SPECC1L: variants seen among roughly 807,000 people sequenced by gnomAD.
SPECC1L encodes the protein sperm antigen with calponin homology and coiled-coil domains 1 like.
Under a neutral mutation model 116.8 loss-of-function variants are expected in SPECC1L, and 40 were observed. The observed-to-expected ratio is 0.34, with a 90% CI of 0.27 to 0.45. The LOEUF (loss-of-function observed/expected upper bound fraction) is 0.45, where lower values mean the gene tolerates loss of function less well. Ranked by LOEUF, SPECC1L falls within the 20% of genes least tolerant of loss-of-function variation. The probability of loss-of-function intolerance (pLI) is 1.00; values close to 1 mark genes in which losing one functional copy is unlikely to be tolerated. For missense variants in SPECC1L, 1,110 were observed against 1,373.6 expected, an observed-to-expected ratio of 0.81 and a Z score of 3.03; for synonymous variants, 504 against 500.6, an observed-to-expected ratio of 1.01 and a Z score of -0.09.
chr22:24,334,850 A>G (rs1490235071), intron 9 of SPECC1L, among the ~76,000 whole-genome samples: 1 of 152,196 alleles, frequency 6.6e-6, no homozygotes, highest in Non-Finnish European at 1.5e-5. Flanking sequence ...TACTTTAAGT[A>G]TGTTTTCTAT....
At chr22:24,317,412 C>T (rs1160477750) in intron 4 of SPECC1L, among the ~76,000 whole-genome samples, 3 of 116,138 alleles carry the variant, frequency 2.6e-5, no homozygotes, top group Non-Finnish European at 5.7e-5. Flanking sequence ...CCTCACCTCC[C>T]AGATGGGGCG....
Position 24,322,811 on chromosome 22 carries a change from A to G in SPECC1L, c.1831A>G (p.Ser611Gly). The G allele has an allele frequency of 2.5e-6, 4 of 1,604,040 alleles. No individual in the cohort carries two copies. The highest frequency in any genetic ancestry group is 3.4e-6 in the Non-Finnish European group (4 of 1,175,538). Residue 611 changes from serine to glycine, a missense_variant, in exon 5 of 17, where the codon AGT becomes GGT. Transcript: ENST00000314328. ...ATCTGATATTCAGGACCTCCTGGAG[A>G]GTGTCAGGCTGGACAAAGAAAAAGC... is the stretch of plus-strand genomic sequence containing the variant. ...DKSDIQDLLE[S>G]VRLDKEKAET...
At chr22:24,356,513 A>G (rs1220935371) in intron 11 of SPECC1L, among the ~76,000 whole-genome samples, 1 of 152,044 alleles carries the variant, frequency 6.6e-6, no homozygotes, top group Non-Finnish European at 1.5e-5. Context: ...TAGTGCTTGC[A>G]TGGTATATTT....
At chr22:24,347,243 A>T (rs1028562961) in intron 11 of SPECC1L, 67 bp downstream of exon 11, 2 of 1,219,850 alleles carry the variant, frequency 1.6e-6, no homozygotes, top group Non-Finnish European at 2.4e-6. Flanking sequence ...CTTTTTTGGC[A>T]AACTAAATAT....
intron 11 of SPECC1L, among the ~76,000 whole-genome samples, chr22:24,362,456 G>A (rs544564008): frequency 9.9e-5 from 15 of 152,150 alleles, no homozygotes; most frequent in African/African-American, 1.9e-4. Flanking sequence ...GGAGATGGTC[G>A]AAGCAATATC....
chr22:24,325,581 A>ATTAATT (rs1569421899), intron 6 of SPECC1L, among the ~76,000 whole-genome samples: 17 of 144,020 alleles, frequency 1.2e-4, no homozygotes, highest in African/African-American at 4.2e-4. Flanking sequence ...ATTTATTTAT[A>ATTAATT]AGAGGTGACA....
chr22:24,414,449 A>C, intron 16 of SPECC1L, 85 bp from the exon 17 acceptor site: 1 of 1,106,594 alleles, frequency 9.0e-7, no homozygotes, highest in Non-Finnish European at 1.4e-6. Context: ...TCCAACTCCA[A>C]GAGCCCATGT....
intron 14 of SPECC1L, among the ~76,000 whole-genome samples, chr22:24,392,492 T>A (rs973494542): frequency 5.9e-5 from 9 of 152,334 alleles, no homozygotes; most frequent in Admixed American, 4.6e-4. Context: ...TGCTCTGGAT[T>A]TTCACAAATG....
intron 14 of SPECC1L, among the ~76,000 whole-genome samples, chr22:24,375,930 A>G (rs1394045179): frequency 2.0e-5 from 3 of 152,244 alleles, no homozygotes; most frequent in South Asian, 4.2e-4. Flanking sequence ...AGCCTGGGTG[A>G]CAGAGTGAGA....
At chr22:24,383,945 G>A (rs1277010240) in intron 14 of SPECC1L, among the ~76,000 whole-genome samples, 1 of 151,608 alleles carries the variant, frequency 6.6e-6, no homozygotes, top group South Asian at 2.1e-4. Flanking sequence ...GAGCCACCGT[G>A]CCTGGCCCAA....
At chr22:24,273,087 G>A (rs2048761674) in intron 1 of SPECC1L, among the ~76,000 whole-genome samples, 1 of 152,220 alleles carries the variant, frequency 6.6e-6, no homozygotes, top group Non-Finnish European at 1.5e-5. Context: ...TTAAAGTGAA[G>A]TTTGTATCAA....
intron 11 of SPECC1L, among the ~76,000 whole-genome samples, chr22:24,349,490 A>G (rs1490027300): frequency 1.3e-5 from 2 of 152,172 alleles, no homozygotes; most frequent in Non-Finnish European, 2.9e-5. Flanking sequence ...TCAGATTTGC[A>G]TCTCTCGCCT....
At chr22:24,367,947 A>G (rs2041803563) in intron 13 of SPECC1L, among the ~76,000 whole-genome samples, 1 of 152,168 alleles carries the variant, frequency 6.6e-6, no homozygotes, top group East Asian at 1.9e-4. Context: ...GTTACATTAC[A>G]CAGCACTCCC....
At chr22:24,406,174 A>G (rs755702197) in intron 14 of SPECC1L, among the ~76,000 whole-genome samples, 10 of 152,194 alleles carry the variant, frequency 6.6e-5, no homozygotes, top group Non-Finnish European at 1.2e-4. Context: ...TTAGAAAGCA[A>G]CAGAAAGTTT....
intron 3 of SPECC1L, among the ~76,000 whole-genome samples, chr22:24,309,136 G>T (rs960817030): frequency 6.6e-6 from 1 of 150,906 alleles, no homozygotes; most frequent in African/African-American, 2.4e-5. Context: ...TTGCTTTTGG[G>T]ACACACACAC....
intron 11 of SPECC1L, among the ~76,000 whole-genome samples, chr22:24,347,868 G>T (rs2041333892): frequency 6.6e-6 from 1 of 152,086 alleles, no homozygotes; most frequent in East Asian, 1.9e-4. Flanking sequence ...TAGAGACAGG[G>T]TTTCACCATG....
chr22:24,291,518 G>A (rs1330418591), intron 2 of SPECC1L, among the ~76,000 whole-genome samples: 1 of 152,130 alleles, frequency 6.6e-6, no homozygotes, highest in Non-Finnish European at 1.5e-5. Context: ...TAAGTAGTAG[G>A]TAAAAACAAT....
At chr22:24,293,343 C>T (rs1479376677) in intron 2 of SPECC1L, among the ~76,000 whole-genome samples, 2 of 152,178 alleles carry the variant, frequency 1.3e-5, no homozygotes, top group African/African-American at 4.8e-5. Context: ...GTCCCAGCTA[C>T]TCGGGAGGCT....
chr22:24,346,197 G>A (rs190986677), intron 10 of SPECC1L, among the ~76,000 whole-genome samples: 14 of 152,104 alleles, frequency 9.2e-5, no homozygotes, highest in East Asian at 3.9e-4. Context: ...TAGTTGAGAC[G>A]GGGTTCCACT....
Sources: gnomAD v4.1 joint callset for allele counts (sites outside exome capture counted in the v4.1 genomes callset) on GRCh38, gnomAD v4.1.1 for gene constraint, MANE v1.5 for transcripts, NCBI Gene and HGNC (gene_info 2026-07-23, HGNC 2026-07-21) for gene names.